The following PRKCH variants were observed in gnomAD, a reference collection of about 807,000 sequenced individuals.
PRKCH encodes protein kinase C eta type.
A neutral mutation model predicts 82.5 loss-of-function variants in PRKCH; 28 were observed. The observed-to-expected ratio is 0.34, with a 90% CI of 0.25 to 0.47. The LOEUF (loss-of-function observed/expected upper bound fraction) is 0.47, where lower values mean the gene tolerates loss of function less well. PRKCH is among the 20% of genes least tolerant of loss of function. The probability of loss-of-function intolerance (pLI) is 1.00; values close to 1 mark genes in which losing one functional copy is unlikely to be tolerated. For synonymous variants in PRKCH, 322 were observed against 327.4 expected, an observed-to-expected ratio of 0.98 and a Z score of 0.18; for missense variants, 705 against 881.8, an observed-to-expected ratio of 0.80 and a Z score of 2.54.
intron 1 of PRKCH, chr14:61,305,397 G>A (rs1306347859): frequency 6.6e-6 from 1 of 151,492 alleles, no homozygotes; most frequent in Non-Finnish European, 1.5e-5. Flanking sequence ...TGCTCAGGCT[G>A]GTCTTGAACT....
At chr14:61,351,150 T>TTTCATAAAAAAA (rs2046068912) in intron 1 of PRKCH, among the ~76,000 whole-genome samples, 1 of 152,232 alleles carries the variant, frequency 6.6e-6, no homozygotes, top group Admixed American at 6.5e-5. Context: ...ACTAAAAAGC[T>TTTCATAAAAAAA]TTAAGAGAGC....
chr14:61,399,087 A>G (rs2046827140), intron 2 of PRKCH, among the ~76,000 whole-genome samples: 1 of 152,236 alleles, frequency 6.6e-6, no homozygotes, highest in Non-Finnish European at 1.5e-5. Flanking sequence ...ATGATATGAT[A>G]TGACATCTGG....
chr14:61,309,507 A>G (rs2045506020), intron 1 of PRKCH, among the ~76,000 whole-genome samples: 1 of 152,208 alleles, frequency 6.6e-6, no homozygotes, highest in Admixed American at 6.5e-5. Context: ...CTTTAAATTC[A>G]GTTTCTCATT....
Position 61,280,631 on chromosome 14 carries a change from A to T in PRKCH, c.-19+92963A>T, listed in dbSNP as rs1010097892. 6.3e-7 allele frequency: 1 copy of T among 1,575,996 alleles called. No homozygotes were observed. Among genetic ancestry groups the T allele is most frequent in the African/African-American group, 1.4e-5 (1 of 74,042 alleles). On this transcript the variant is annotated intron_variant, in intron 1 of 3. Transcript: ENST00000555185. The surrounding 1 kb of genome is among the most constrained non-coding windows in gnomAD (Gnocchi z 5.0). ...TGGCGCTGGTGCCAAAGCGAGAAGG[A>T]GTCGTTGAAGAGGCTGTTGGCGATG...
chr14:61,439,271 G>A lies in PRKCH; in HGVS notation c.428-3840G>A, dbSNP rs533617036. On this transcript the variant is annotated intron_variant, in intron 2 of 13. Transcript: ENST00000332981. ...CCCTCTGCATTCCGATGGTGAAGTG[G>A]GGTTGGAGTCTGTAGGCAAGTGAAG... 2.9e-4 allele frequency among the ~76,000 whole-genome samples: 44 copies of A among 152,282 alleles called. No homozygotes were observed. In the South Asian group the frequency reaches 3.9e-3, roughly 14 times the overall value.
intron 1 of PRKCH, among the ~76,000 whole-genome samples, chr14:61,311,099 G>A (rs1412152781): frequency 1.3e-5 from 2 of 152,248 alleles, no homozygotes; most frequent in Admixed American, 6.5e-5. Context: ...CTCCAGATCT[G>A]TGGTGGGAGG....
At chr14:61,279,308 G>A (rs934436353) in intron 1 of PRKCH, 5 of 152,196 alleles carry the variant, frequency 3.3e-5, no homozygotes, top group African/African-American at 1.2e-4. Flanking sequence ...ATCATCAAGA[G>A]CTTCCTACGT....
chr14:61,379,864 G>A (rs550213126), intron 1 of PRKCH, among the ~76,000 whole-genome samples: 5 of 152,276 alleles, frequency 3.3e-5, no homozygotes, highest in Admixed American at 1.3e-4. Context: ...TAGCAGAAAC[G>A]AGGAGTGGCG....
At chr14:61,203,293 T>G (rs1304080679) in intron 1 of PRKCH, among the ~76,000 whole-genome samples, 3 of 151,790 alleles carry the variant, frequency 2.0e-5, no homozygotes, top group African/African-American at 4.8e-5. Flanking sequence ...AACCAGAAGC[T>G]AAAGAGTGAA....
At chr14:61,366,910 G>A (rs1389108618) in intron 1 of PRKCH, among the ~76,000 whole-genome samples, 1 of 151,976 alleles carries the variant, frequency 6.6e-6, no homozygotes, top group Non-Finnish European at 1.5e-5. Flanking sequence ...TCTCTGTCTA[G>A]GGATGTGGCT....
At chr14:61,471,770 A>G (rs1055295555) in intron 9 of PRKCH, among the ~76,000 whole-genome samples, 1 of 152,046 alleles carries the variant, frequency 6.6e-6, no homozygotes, top group African/African-American at 2.4e-5. Flanking sequence ...CAGCATCCCA[A>G]AATACCAGCA....
chr14:61,466,860 A>G (rs1333962778), intron 9 of PRKCH, among the ~76,000 whole-genome samples: 2 of 152,158 alleles, frequency 1.3e-5, no homozygotes, highest in African/African-American at 4.8e-5. Flanking sequence ...TCCTGGCAGG[A>G]CCATAGCTTT....
intron 2 of PRKCH, among the ~76,000 whole-genome samples, chr14:61,428,724 A>G (rs1883250208): frequency 6.6e-6 from 1 of 152,180 alleles, no homozygotes; most frequent in African/African-American, 2.4e-5. Context: ...AACACCAAAA[A>G]TGCTTTAGTG....
chr14:61,209,497 C>T (rs1423482405), intron 1 of PRKCH, among the ~76,000 whole-genome samples: 3 of 151,854 alleles, frequency 2.0e-5, no homozygotes, highest in Admixed American at 6.6e-5. Flanking sequence ...CTGAGACAAC[C>T]ACCAAGAGTA....
intron 9 of PRKCH, among the ~76,000 whole-genome samples, chr14:61,471,909 C>T (rs1034227799): frequency 6.6e-6 from 1 of 152,100 alleles, no homozygotes; most frequent in Admixed American, 6.5e-5. Flanking sequence ...ATGGGTTAGA[C>T]GATCACTTTT....
intron 1 of PRKCH, among the ~76,000 whole-genome samples, chr14:61,263,806 G>A (rs1366233492): frequency 1.3e-5 from 2 of 151,064 alleles, no homozygotes; most frequent in South Asian, 2.1e-4. Flanking sequence ...TAGAATATAC[G>A]AGCAGGTAAT....
intron 9 of PRKCH, chr14:61,477,294 T>C (rs1885770913): frequency 1.3e-5 from 2 of 152,366 alleles, no homozygotes; most frequent in African/African-American, 2.4e-5. Flanking sequence ...CTTAAAGCAA[T>C]AGCTACATTT....
chr14:61,279,694 A>C (rs2045238487), intron 1 of PRKCH: 1 of 188,318 alleles, frequency 5.3e-6, no homozygotes, highest in African/African-American at 2.4e-5. Flanking sequence ...AAAGCCCTGG[A>C]CTCAAGATTC....
At chr14:61,328,855 A>G (rs1324127152) in intron 1 of PRKCH, among the ~76,000 whole-genome samples, 1 of 151,962 alleles carries the variant, frequency 6.6e-6, no homozygotes, top group African/African-American at 2.4e-5. Flanking sequence ...GCATGGTAGC[A>G]CATGCCTCTA....
Sources: gnomAD v4.1 joint callset for allele counts (sites outside exome capture counted in the v4.1 genomes callset) on GRCh38, gnomAD v4.1.1 for gene constraint, Gnocchi (gnomAD v3.1) non-coding constraint, MANE v1.5 for transcripts, NCBI Gene and HGNC (gene_info 2026-07-23, HGNC 2026-07-21) for gene names.